Variants in IGFL2 observed in about 807,000 individuals in gnomAD.
IGFL2 encodes the protein insulin growth factor-like family member 2.
Under a neutral mutation model 13.9 loss-of-function variants are expected in IGFL2, and 7 were observed. The observed-to-expected ratio is 0.51, with a 90% CI of 0.29 to 0.95. The LOEUF (loss-of-function observed/expected upper bound fraction) is 0.95. Ranked by LOEUF, IGFL2 falls within the 40% of genes least tolerant of loss-of-function variation. The probability of loss-of-function intolerance (pLI) is 0.08; values close to 1 mark genes in which losing one functional copy is unlikely to be tolerated. For missense variants in IGFL2, 138 were observed against 147.8 expected (o/e 0.93, Z 0.34); for synonymous variants, 55 against 55.8 (o/e 0.99, Z 0.07).
At chr19:46,104,332 T>C in the IGFL2 span, among the ~76,000 whole-genome samples, 1 of 152,118 alleles carries the variant, frequency 6.6e-6, no homozygotes, top group African/African-American at 2.4e-5. Flanking sequence ...CTTGGTGAGG[T>C]GTGTCTTTAA....
At chr19:46,162,142 C>T (rs1974199840), downstream of IGFL2, among the ~76,000 whole-genome samples, 1 of 152,184 alleles carries the variant, frequency 6.6e-6, no homozygotes, top group South Asian at 2.1e-4. Flanking sequence ...TCTCTTCTGG[C>T]TTGTGCTGAG....
chr19:46,207,378 C>T, the IGFL2 span: 3 of 151,104 alleles, frequency 2.0e-5, no homozygotes, highest in African/African-American at 7.3e-5. Context: ...GGACCCTTCC[C>T]TAATTCACAT....
At chr19:46,199,824 G>T in the IGFL2 span, among the ~76,000 whole-genome samples, 1 of 152,236 alleles carries the variant, frequency 6.6e-6, no homozygotes, top group Non-Finnish European at 1.5e-5. Context: ...TAAGTCAGCA[G>T]CACTTAGGCA....
chr19:46,114,446 T>C, the IGFL2 span, among the ~76,000 whole-genome samples: 92 of 152,340 alleles, frequency 6.0e-4, 2 homozygotes, highest in African/African-American at 2.1e-3. Flanking sequence ...ATTTGGTTAG[T>C]CTTTGTTTTC....
the IGFL2 span, among the ~76,000 whole-genome samples, chr19:46,194,848 A>ATTT: frequency 2.9e-5 from 1 of 33,952 alleles, no homozygotes; most frequent in Non-Finnish European, 6.3e-5. Flanking sequence ...ATATATATAT[A>ATTT]TATATTTTTT....
the IGFL2 span, among the ~76,000 whole-genome samples, chr19:46,087,310 G>C: frequency 6.6e-6 from 1 of 152,212 alleles, no homozygotes; most frequent in African/African-American, 2.4e-5. Flanking sequence ...GCACCTGCAG[G>C]TGGGTGCTGG....
chr19:46,194,987 T>C, the IGFL2 span: 1 of 148,770 alleles, frequency 6.7e-6, no homozygotes, highest in Non-Finnish European at 1.5e-5. Flanking sequence ...GGGGTTGGGA[T>C]TACAGGGATG....
the IGFL2 span, among the ~76,000 whole-genome samples, chr19:46,102,797 C>T: frequency 1.4e-4 from 22 of 152,020 alleles, no homozygotes; most frequent in African/African-American, 4.6e-4. Context: ...AACAAAATAG[C>T]GGTGAAGTGT....
chr19:46,101,484 A>G, the IGFL2 span, among the ~76,000 whole-genome samples: 2 of 152,310 alleles, frequency 1.3e-5, no homozygotes, highest in African/African-American at 4.8e-5. Flanking sequence ...GGTCCAGCCT[A>G]AAGAGGCAGA....
the IGFL2 span, among the ~76,000 whole-genome samples, chr19:46,179,291 C>T: frequency 1.6e-5 from 2 of 127,462 alleles, no homozygotes; most frequent in Non-Finnish European, 3.2e-5. Context: ...GGTGCGGGGT[C>T]TGTGAGAGGC....
upstream of IGFL2, among the ~76,000 whole-genome samples, chr19:46,142,107 C>T (rs1238255919): frequency 1.4e-4 from 22 of 152,290 alleles, no homozygotes; most frequent in Non-Finnish European, 4.4e-5. Flanking sequence ...TACTTAACCT[C>T]TCTGAGCTAC....
At chr19:46,110,268 C>T in the IGFL2 span, among the ~76,000 whole-genome samples, 1 of 152,196 alleles carries the variant, frequency 6.6e-6, no homozygotes, top group Non-Finnish European at 1.5e-5. Flanking sequence ...TGTCTTTGTT[C>T]AGGGCGCAGT....
At chr19:46,117,321 G>A in the IGFL2 span, among the ~76,000 whole-genome samples, 1 of 152,130 alleles carries the variant, frequency 6.6e-6, no homozygotes, top group Non-Finnish European at 1.5e-5. Flanking sequence ...CTGGCCTCAA[G>A]TGATCATTTT....
chr19:46,161,947 C>T (rs181408787), downstream of IGFL2, among the ~76,000 whole-genome samples: 10 of 152,302 alleles, frequency 6.6e-5, no homozygotes, highest in African/African-American at 2.2e-4. Context: ...TTTGTATTAG[C>T]TGGTTGTGGT....
chr19:46,089,639 T>C, the IGFL2 span, among the ~76,000 whole-genome samples: 1 of 151,998 alleles, frequency 6.6e-6, no homozygotes, highest in Non-Finnish European at 1.5e-5. Context: ...GGGTATAGTA[T>C]TCTTGGTGGT....
the IGFL2 span, among the ~76,000 whole-genome samples, chr19:46,092,295 G>A: frequency 6.6e-6 from 1 of 151,870 alleles, no homozygotes; most frequent in African/African-American, 2.4e-5. Flanking sequence ...GAGTATCTGG[G>A]ACTACAGGCA....
chr19:46,190,357 A>G, the IGFL2 span: 2 of 152,200 alleles, frequency 1.3e-5, no homozygotes, highest in African/African-American at 4.8e-5. Flanking sequence ...TGTCTCCTCC[A>G]TGTGGTCTCT....
At chr19:46,163,821 G>A (rs773367712), downstream of IGFL2, 1 of 152,380 alleles carries the variant, frequency 6.6e-6, no homozygotes, top group Admixed American at 6.5e-5. Flanking sequence ...TATTCTGGGG[G>A]CCTGCTCCAG....
At chr19:46,100,219 C>T in the IGFL2 span, among the ~76,000 whole-genome samples, 1 of 152,034 alleles carries the variant, frequency 6.6e-6, no homozygotes, top group Non-Finnish European at 1.5e-5. Context: ...CAGTTTTCAG[C>T]GTTTTTTCAT....
Sources: gnomAD v4.1 joint callset for allele counts (sites outside exome capture counted in the v4.1 genomes callset) on GRCh38, gnomAD v4.1.1 for gene constraint, MANE v1.5 for transcripts, NCBI Gene and HGNC (gene_info 2026-07-23, HGNC 2026-07-21) for gene names.